Variants in KIF1B observed in about 807,000 individuals in gnomAD.
KIF1B encodes the protein kinesin-like protein KIF1B.
A neutral mutation model predicts 241.9 loss-of-function variants in KIF1B; 76 were observed. The ratio of observed to expected loss-of-function variants is 0.31; its 90% CI spans 0.26 to 0.38. The LOEUF is 0.38. Ranked by LOEUF, KIF1B falls within the 10% of genes least tolerant of loss-of-function variation. KIF1B has a pLI of 1.00. For missense variants in KIF1B, 1,622 were observed against 2,271.4 expected, an observed-to-expected ratio of 0.71 and a Z score of 5.81; for synonymous variants, 750 against 796.7, an observed-to-expected ratio of 0.94 and a Z score of 0.99.
intron 1 of KIF1B, among the ~76,000 whole-genome samples, chr1:10,214,078 G>A (rs1646730251): frequency 6.6e-6 from 1 of 151,976 alleles, no homozygotes; most frequent in Non-Finnish European, 1.5e-5. Flanking sequence ...AGTGAGCTAA[G>A]ACAGCGCCAT....
intron 22 of KIF1B, chr1:10,308,492 G>A: frequency 9.7e-7 from 1 of 1,033,860 alleles, no homozygotes. Flanking sequence ...AAAAATGCTT[G>A]AAGATTGTCT....
rs868561945 is a variant in KIF1B at position 10,269,527 on chromosome 1, A to C, written c.720+1264A>C. Among the ~76,000 whole-genome samples, 240 of 147,734 alleles carry C rather than the reference A, an allele frequency of 1.6e-3. 4 individuals are homozygous for C. The highest frequency in any genetic ancestry group is 5.0e-3 in the African/African-American group (199 of 39,754). ...GAGACTCTGTCTCAAAAAAAAAAAA[A>C]AACACACTCCTACTGGGCATGGTGG... On this transcript the variant is annotated intron_variant, in intron 7 of 48. Coordinates refer to ENST00000676179, the MANE Select transcript of KIF1B (RefSeq NM_001365951.3).
intron 5 of KIF1B, among the ~76,000 whole-genome samples, chr1:10,266,279 A>G (rs959832767): frequency 4.6e-5 from 7 of 152,160 alleles, no homozygotes; most frequent in African/African-American, 1.4e-4. Context: ...TATTTAATAT[A>G]TTTCTGTGGA....
intron 22 of KIF1B, chr1:10,307,797 C>G: frequency 3.9e-6 from 4 of 1,038,646 alleles, no homozygotes; most frequent in Non-Finnish European, 3.5e-6. Context: ...ATAGAGGAGT[C>G]CTAATTAATT....
At chr1:10,344,230 C>T (rs904704788) in intron 34 of KIF1B, among the ~76,000 whole-genome samples, 5 of 152,196 alleles carry the variant, frequency 3.3e-5, no homozygotes, top group Non-Finnish European at 7.3e-5. Flanking sequence ...TGACCCATTG[C>T]CGCCTTTTCT....
rs1229869072 is a variant in KIF1B at position 10,265,002 on chromosome 1, T to C, written c.430-2378T>C. 2.0e-5 allele frequency among the ~76,000 whole-genome samples: 3 copies of C among 151,826 alleles called. No homozygotes were observed. The South Asian group carries it at 6.2e-4, about 32-fold the overall frequency. On this transcript the variant is annotated intron_variant, in intron 5 of 48. Transcript: ENST00000676179. ...CTTTTTTTTTAAGACAAGGTCTTGC[T>C]CTGTTACCCAGACTGGAGTGCAGTG...
At position 10,365,808 on chromosome 1, in the gene KIF1B, C is replaced by T. The variant is rs11121549; in HGVS notation, c.4752+160C>T. Among the ~76,000 whole-genome samples, 13,140 of 152,214 alleles carry T rather than the reference C, an allele frequency of 0.086. 755 individuals are homozygous for T. The highest frequency in any genetic ancestry group is 0.16 in the East Asian group (819 of 5,182). On this transcript the variant is annotated intron_variant, in intron 43 of 48. Coordinates refer to ENST00000676179, the MANE Select transcript of KIF1B (RefSeq NM_001365951.3). This position sits in a 1 kb window ranked among gnomAD's most constrained non-coding sequence, Gnocchi z 4.0. Reference sequence around the variant, plus strand: ...AGACGCAGTTCCTACCCTCAACAAGCTTACAGGGCCAGGCACAGTGCCTGA... The same window carrying T: ...AGACGCAGTTCCTACCCTCAACAAGTTTACAGGGCCAGGCACAGTGCCTGA...
chr1:10,211,148 G>C (rs1223440071), intron 1 of KIF1B, among the ~76,000 whole-genome samples: 2 of 152,174 alleles, frequency 1.3e-5, no homozygotes, highest in African/African-American at 4.8e-5. Flanking sequence ...CCAGGCCCCG[G>C]CTGTGCCCAG....
intron 7 of KIF1B, among the ~76,000 whole-genome samples, chr1:10,271,270 A>G (rs563153859): frequency 9.9e-5 from 15 of 152,276 alleles, no homozygotes; most frequent in Non-Finnish European, 1.9e-4. Flanking sequence ...CCTGGGCTCA[A>G]AGGAGCTTCC....
In KIF1B at chr1:10,379,147, TGTGACAGAGG is replaced by T. The variant is rs1192353015; in HGVS notation, c.*2561_*2570del. On this transcript the variant is annotated 3_prime_UTR_variant, in exon 49 of 49. Transcript: ENST00000676179. ...AGTCATTGATGCTGCTGTTACAGAGTGTGACAGAGGATCCATGTCTGTGACACAGGACGGT... is the reference window on the plus strand; with the variant it reads ...AGTCATTGATGCTGCTGTTACAGAGTATCCATGTCTGTGACACAGGACGGT... The T allele has an allele frequency of 4.3e-6, 1 of 232,104 alleles. No homozygotes were observed. Among genetic ancestry groups the T allele is most frequent in the African/African-American group, 2.2e-5 (1 of 45,224 alleles). The allele number at this position is 232,104 out of a possible 1,614,324, so 14.4% of individuals were successfully genotyped here. A position where few individuals can be genotyped will look rare whatever the true frequency, so the allele number is the denominator to read the frequency against.
intron 2 of KIF1B, among the ~76,000 whole-genome samples, chr1:10,250,785 C>T (rs949245854): frequency 1.3e-5 from 2 of 152,200 alleles, no homozygotes; most frequent in East Asian, 1.9e-4. Context: ...ATGATTGAGC[C>T]ACTGTACTCC....
intron 38 of KIF1B, among the ~76,000 whole-genome samples, chr1:10,354,861 A>G (rs578135442): frequency 9.8e-5 from 15 of 152,344 alleles, no homozygotes; most frequent in African/African-American, 2.9e-4. Context: ...AGTTTGGTTA[A>G]GAGAACTTTC....
At chr1:10,258,703 C>G (rs1380523868) in intron 4 of KIF1B, 31 bp downstream of exon 4, 2 of 1,604,778 alleles carry the variant, frequency 1.2e-6, no homozygotes, top group African/African-American at 2.7e-5. Flanking sequence ...AAAATCTTCT[C>G]TTCATTATTA....
At chr1:10,355,072 C>G (rs561403535) in intron 38 of KIF1B, among the ~76,000 whole-genome samples, 5 of 152,280 alleles carry the variant, frequency 3.3e-5, no homozygotes, top group Admixed American at 3.3e-4. Flanking sequence ...ACAGCAACTT[C>G]CTATTATTCT....
At chr1:10,313,060 T>G (rs1651135707) in intron 22 of KIF1B, among the ~76,000 whole-genome samples, 1 of 151,362 alleles carries the variant, frequency 6.6e-6, no homozygotes, top group South Asian at 2.1e-4. Context: ...TTTTTTTGTT[T>G]TGTTTTGTTT....
At chr1:10,323,765 G>A (rs2102298689) in intron 24 of KIF1B, 119 bp from the exon 25 acceptor site, 1 of 786,762 alleles carries the variant, frequency 1.3e-6, no homozygotes, top group Admixed American at 2.1e-5. Context: ...TAGAAAGTTA[G>A]TCACAAGATA....
intron 1 of KIF1B, among the ~76,000 whole-genome samples, chr1:10,228,582 C>T (rs1646940096): frequency 6.6e-6 from 1 of 152,124 alleles, no homozygotes; most frequent in South Asian, 2.1e-4. Context: ...GAAAATTAAC[C>T]CAAATCAACA....
intron 2 of KIF1B, among the ~76,000 whole-genome samples, chr1:10,245,367 G>T (rs959358614): frequency 6.6e-6 from 1 of 152,146 alleles, no homozygotes; most frequent in Non-Finnish European, 1.5e-5. Context: ...AGTAAACTAA[G>T]ACCTTTGAAA....
intron 27 of KIF1B, among the ~76,000 whole-genome samples, chr1:10,330,718 A>G (rs1270761551): frequency 6.6e-6 from 1 of 152,304 alleles, no homozygotes; most frequent in African/African-American, 2.4e-5. Context: ...ATGCACATAG[A>G]TGTTCACTTA....
Sources: gnomAD v4.1 joint callset for allele counts (sites outside exome capture counted in the v4.1 genomes callset) on GRCh38, gnomAD v4.1.1 for gene constraint, Gnocchi (gnomAD v3.1) non-coding constraint, MANE v1.5 for transcripts, NCBI Gene and HGNC (gene_info 2026-07-23, HGNC 2026-07-21) for gene names.